SH3TC1: variants seen among roughly 807,000 people sequenced by gnomAD.
SH3TC1 encodes the protein SH3 domain and tetratricopeptide repeats 1.
SH3TC1 carries 135 observed loss-of-function variants against 117.3 expected under a neutral mutation model. The observed-to-expected ratio is 1.15, with a 90% CI of 1.00 to 1.33. The LOEUF (loss-of-function observed/expected upper bound fraction) is 1.33, where lower values mean the gene tolerates loss of function less well. SH3TC1 is among the 40% of genes most tolerant of loss of function. SH3TC1 has a pLI of 0.00. For missense variants in SH3TC1, 2,092 were observed against 1,794.3 expected, an observed-to-expected ratio of 1.17 and a Z score of -3.00; for synonymous variants, 898 against 816.9, an observed-to-expected ratio of 1.10 and a Z score of -1.69.
chr4:8,203,127 G>A (rs7677412), intron 1 of SH3TC1, among the ~76,000 whole-genome samples: 30,815 of 152,200 alleles, frequency 0.2, 3,137 homozygotes, highest in Admixed American at 0.24. Context: ...CTCTTGGGGA[G>A]CAGCCTCTGT....
upstream of SH3TC1, among the ~76,000 whole-genome samples, chr4:8,198,638 C>T (rs1717641046): frequency 6.6e-6 from 1 of 152,232 alleles, no homozygotes; most frequent in Admixed American, 6.5e-5. Flanking sequence ...CTGGCTCAGG[C>T]CTGGAGACGG....
chr4:8,199,610 A>G (rs1431455333), intron 1 of SH3TC1, among the ~76,000 whole-genome samples: 1 of 152,236 alleles, frequency 6.6e-6, no homozygotes, highest in East Asian at 1.9e-4. Flanking sequence ...AGGTGCTGGC[A>G]GTGCCAATCC....
chr4:8,231,284 G>A (rs1721179956), intron 12 of SH3TC1: 1 of 152,452 alleles, frequency 6.6e-6, no homozygotes, highest in African/African-American at 2.4e-5. Flanking sequence ...TCCATTCACT[G>A]AGGCTCATTG....
intron 3 of SH3TC1, among the ~76,000 whole-genome samples, chr4:8,211,935 A>G (rs1000925569): frequency 6.6e-6 from 1 of 152,052 alleles, no homozygotes; most frequent in Non-Finnish European, 1.5e-5. Context: ...TGGGGTCCCA[A>G]TGGCTCTGCG....
intron 1 of SH3TC1, among the ~76,000 whole-genome samples, chr4:8,184,800 TAC>T (rs1409368008): frequency 6.6e-6 from 1 of 152,154 alleles, no homozygotes; most frequent in Non-Finnish European, 1.5e-5. Flanking sequence ...ACATTTGTGA[TAC>T]AGTTATTAAT....
chr4:8,193,876 A>T (rs997758181), intron 1 of SH3TC1, among the ~76,000 whole-genome samples: 3 of 152,236 alleles, frequency 2.0e-5, no homozygotes, highest in African/African-American at 7.2e-5. Flanking sequence ...TCTGAGCCCA[A>T]GATGATTCAC....
chr4:8,197,473 G>A (rs1397840351), upstream of SH3TC1, among the ~76,000 whole-genome samples: 2 of 152,210 alleles, frequency 1.3e-5, no homozygotes, highest in Non-Finnish European at 2.9e-5. Context: ...CCGTGTCCCC[G>A]CAGGGAAGAA....
In SH3TC1 at chr4:8,192,495, T is replaced by TATTTTATTTC. The variant is rs1554130840; in HGVS notation, c.-57+10289_-57+10290insTATTTCATTT. 8.6e-4 allele frequency among the ~76,000 whole-genome samples: 115 copies of TATTTTATTTC among 133,550 alleles called. No individual in the cohort carries two copies. Among genetic ancestry groups the TATTTTATTTC allele is most frequent in the African/African-American group, 3.0e-3 (108 of 36,010 alleles). 87.6% of individuals were successfully genotyped at this position (133,550 alleles called of 152,430 possible). On this transcript the variant is annotated intron_variant, in intron 1 of 16. Coordinates refer to the SH3TC1 transcript ENST00000508641. This position sits in a 1 kb window ranked among gnomAD's most constrained non-coding sequence, Gnocchi z 4.1. Reference sequence around the variant, plus strand: ...TATTTTATTTTATTTTATTTTATTTTATTTCATTTTATTTTTGAGATGGAG... The same window carrying TATTTTATTTC: ...TATTTTATTTTATTTTATTTTATTTTATTTTATTTCATTTCATTTTATTTTTGAGATGGAG...
chr4:8,234,504 CATTCATCT>C (rs974890752), intron 14 of SH3TC1, among the ~76,000 whole-genome samples: 10 of 149,596 alleles, frequency 6.7e-5, no homozygotes, highest in African/African-American at 2.3e-4. Context: ...CCCATCCATC[CATTCATCT>C]GTCCATCCGT....
chr4:8,228,082 C>T lies in SH3TC1; in HGVS notation c.2388C>T (p.Tyr796=), dbSNP rs765132284. 8 of 1,607,590 alleles carry T rather than the reference C, an allele frequency of 5.0e-6. No individual in the cohort carries two copies. The highest frequency in any genetic ancestry group is 5.9e-6 in the Non-Finnish European group (7 of 1,176,780). The change falls in exon 12 of 18, where the codon TAC becomes TAT. Residue 796 remains tyrosine, a synonymous_variant. Coordinates refer to ENST00000245105, the MANE Select transcript of SH3TC1 (RefSeq NM_018986.5). ...GPLYTSLAQL[Y]SHHGCHGPAI... ...TCTACACCAGCTTGGCCCAGCTGTA[C>T]AGCCACCATGGCTGCCACGGCCCGG... is the stretch of plus-strand genomic sequence containing the variant.
chr4:8,203,497 G>C (rs1052006194), intron 1 of SH3TC1, among the ~76,000 whole-genome samples: 2 of 152,070 alleles, frequency 1.3e-5, no homozygotes, highest in Non-Finnish European at 2.9e-5. Flanking sequence ...CAGAGCCTCG[G>C]GGGAGGGCTG....
At chr4:8,236,463 A>C (rs941192618) in intron 16 of SH3TC1, 35 bp downstream of exon 16, 2 of 1,411,802 alleles carry the variant, frequency 1.4e-6, no homozygotes, top group Non-Finnish European at 1.9e-6. Context: ...GCCAGGACCC[A>C]CACTTTGCCA....
rs914717034 is a variant in SH3TC1, at chr4:8,209,673, G to A, written c.173-75G>A. 1 of 1,595,662 alleles carries A rather than the reference G, an allele frequency of 6.3e-7. No homozygotes were observed. The highest frequency in any genetic ancestry group is 8.5e-7 in the Non-Finnish European group (1 of 1,171,652). On this transcript the variant is annotated intron_variant, in intron 2 of 17. Transcript: ENST00000245105. The surrounding 1 kb of genome is among the most constrained non-coding windows in gnomAD (Gnocchi z 5.9). Reference sequence around the variant, plus strand: ...CACCTCTTTTCTTGCAGAGAGACCTGGAGCGTTTGGCGCCTTCAGAGGAGC... The same window carrying A: ...CACCTCTTTTCTTGCAGAGAGACCTAGAGCGTTTGGCGCCTTCAGAGGAGC...
At chr4:8,235,626 G>A in intron 15 of SH3TC1, 71 bp downstream of exon 15, 1 of 1,473,424 alleles carries the variant, frequency 6.8e-7, no homozygotes, top group Non-Finnish European at 9.0e-7. Context: ...CACAGGTGTG[G>A]CAGGGCAGAG....
chr4:8,198,535 G>A (rs577940766), upstream of SH3TC1, among the ~76,000 whole-genome samples: 2 of 152,342 alleles, frequency 1.3e-5, no homozygotes, highest in Admixed American at 1.3e-4. Context: ...CCCAGCTGAC[G>A]TGAGCCCAGG....
intron 2 of SH3TC1, among the ~76,000 whole-genome samples, chr4:8,207,351 C>T (rs377600982): frequency 1.3e-5 from 2 of 152,308 alleles, no homozygotes; most frequent in South Asian, 2.1e-4. Context: ...GGAGAAGGGG[C>T]GGCTGCCAGT....
At chr4:8,234,178 T>C (rs550399454) in intron 14 of SH3TC1, among the ~76,000 whole-genome samples, 1,229 of 114,184 alleles carry the variant, frequency 0.011, 22 homozygotes, top group African/African-American at 0.033. Context: ...CATCCATCCA[T>C]CCATCATCCA....
At chr4:8,215,741 C>G (rs978681568) in intron 5 of SH3TC1, among the ~76,000 whole-genome samples, 1 of 152,198 alleles carries the variant, frequency 6.6e-6, no homozygotes. Flanking sequence ...TGATGCGGGG[C>G]GGGGCTTGCA....
chr4:8,216,786 C>G (rs994621961), intron 6 of SH3TC1, among the ~76,000 whole-genome samples, 171 bp from the exon 7 acceptor site: 3 of 152,168 alleles, frequency 2.0e-5, no homozygotes, highest in Non-Finnish European at 4.4e-5. Context: ...GGGACCTCGC[C>G]CTGGGCCCAC....
Sources: allele counts gnomAD v4.1 joint callset (sites outside exome capture counted in the v4.1 genomes callset), GRCh38; gene constraint gnomAD v4.1.1; non-coding constraint Gnocchi (gnomAD v3.1); transcripts MANE v1.5; gene names NCBI Gene and HGNC (gene_info 2026-07-23, HGNC 2026-07-21).